The following SLIT3 variants were observed in gnomAD, a reference collection of about 807,000 sequenced individuals.
SLIT3 encodes the protein slit guidance ligand 3, also known as slit homolog 3 protein.
A neutral mutation model predicts 184.0 loss-of-function variants in SLIT3; 68 were observed. The observed-to-expected ratio is 0.37, with a 90% confidence interval of 0.30 to 0.45. The LOEUF is 0.45. Among genes scored for constraint, SLIT3 ranks in the 20% least tolerant of loss-of-function variants. SLIT3 has a pLI of 1.00. For missense variants in SLIT3, 1,707 were observed against 2,026.0 expected (o/e 0.84, Z 3.02); for synonymous variants, 831 against 828.6 (o/e 1.00, Z -0.05).
At chr5:168,820,327 A>C (rs1399985102) in intron 7 of SLIT3, among the ~76,000 whole-genome samples, 2 of 152,150 alleles carry the variant, frequency 1.3e-5, no homozygotes, top group African/African-American at 4.8e-5. Context: ...GCCTGAGCTC[A>C]GGCTGTGATG....
At chr5:168,934,973 A>G (rs936859851) in intron 4 of SLIT3, among the ~76,000 whole-genome samples, 8 of 150,658 alleles carry the variant, frequency 5.3e-5, no homozygotes, top group Admixed American at 1.3e-4. Context: ...ACTAAAAAAA[A>G]AAAAAAAAAC....
chr5:168,940,620 G>A (rs114602642), intron 4 of SLIT3, among the ~76,000 whole-genome samples: 16 of 152,080 alleles, frequency 1.1e-4, no homozygotes, highest in Non-Finnish European at 5.9e-5. Context: ...AGACAAGGAT[G>A]ATTTAGTCCC....
intron 4 of SLIT3, among the ~76,000 whole-genome samples, chr5:169,128,235 T>C (rs569166345): frequency 1.6e-4 from 24 of 147,954 alleles, no homozygotes; most frequent in Admixed American, 4.1e-4. Context: ...ATTATATATA[T>C]ACACACACAC....
intron 4 of SLIT3, among the ~76,000 whole-genome samples, chr5:168,931,719 A>G (rs1761992866): frequency 6.6e-6 from 1 of 152,222 alleles, no homozygotes; most frequent in African/African-American, 2.4e-5. Flanking sequence ...TGTGCTAAGT[A>G]AGTGTCAGTG....
At chr5:169,158,287 C>T (rs548004622) in intron 4 of SLIT3, among the ~76,000 whole-genome samples, 71 of 152,220 alleles carry the variant, frequency 4.7e-4, no homozygotes, top group Middle Eastern at 3.4e-3. Flanking sequence ...TATTTCTCAT[C>T]AGAAACCATG....
At chr5:169,169,910 G>T (rs1292641260) in intron 4 of SLIT3, among the ~76,000 whole-genome samples, 1 of 152,254 alleles carries the variant, frequency 6.6e-6, no homozygotes, top group African/African-American at 2.4e-5. Flanking sequence ...GCCAGAGGCT[G>T]CAGGGACTGG....
intron 27 of SLIT3, among the ~76,000 whole-genome samples, chr5:168,698,425 G>T (rs1762121959): frequency 6.6e-6 from 1 of 152,118 alleles, no homozygotes; most frequent in South Asian, 2.1e-4. Flanking sequence ...GACTATGCAG[G>T]CAGAGAGAGG....
intron 8 of SLIT3, among the ~76,000 whole-genome samples, chr5:168,813,790 G>C (rs899163616): frequency 2.0e-5 from 3 of 152,188 alleles, no homozygotes; most frequent in African/African-American, 4.8e-5. Flanking sequence ...CAGGCACTTG[G>C]GCAGGCAGAG....
intron 4 of SLIT3, among the ~76,000 whole-genome samples, chr5:168,926,371 A>G (rs1761823781): frequency 6.6e-6 from 1 of 152,192 alleles, no homozygotes; most frequent in Non-Finnish European, 1.5e-5. Flanking sequence ...CTAAGAGAGA[A>G]CATATATCTT....
rs575964635 is a variant in SLIT3, at chr5:169,225,714, G to C, written c.341+18991C>G. On this transcript the variant is annotated intron_variant, in intron 3 of 35. Transcript: ENST00000519560. ...GCAGTTGCCACAAAAGAGAAGACAG[G>C]GGGTGGGCGGCAGGGGGTGATTTCC... is the stretch of plus-strand genomic sequence containing the variant. Among the ~76,000 whole-genome samples, 493 of 152,314 alleles carry C rather than the reference G, an allele frequency of 3.2e-3. 1 individual carries two copies. The highest frequency in any genetic ancestry group is 0.011 in the African/African-American group (464 of 41,576).
chr5:168,769,048 T>C (rs899540943), intron 14 of SLIT3, among the ~76,000 whole-genome samples: 2 of 152,170 alleles, frequency 1.3e-5, no homozygotes, highest in Non-Finnish European at 2.9e-5. Context: ...ATGAAGGGCC[T>C]CTTTGAGACT....
At chr5:169,192,182 A>ATT (rs1265369369) in intron 4 of SLIT3, among the ~76,000 whole-genome samples, 3 of 152,156 alleles carry the variant, frequency 2.0e-5, no homozygotes. Context: ...CCCCATGCCC[A>ATT]TCCAGGCAGA....
At chr5:168,770,308 G>C (rs915662939) in intron 14 of SLIT3, among the ~76,000 whole-genome samples, 4 of 152,226 alleles carry the variant, frequency 2.6e-5, no homozygotes, top group Non-Finnish European at 1.5e-5. Context: ...TTACGGAGCA[G>C]CCCTCAAATT....
rs1283092372 is a variant in SLIT3 at position 168,746,241 on chromosome 5, C to T, written c.2270+2061G>A. On this transcript the variant is annotated intron_variant, in intron 20 of 35. Coordinates refer to ENST00000519560, the MANE Select transcript of SLIT3 (RefSeq NM_003062.4). ...GCATGGGGCCTGGCAAAAGAGATGT[C>T]AAAGTCAAGCATCAGATGTGTGTGG... Among the ~76,000 whole-genome samples, 4 of 148,410 alleles carry T rather than the reference C, an allele frequency of 2.7e-5. No homozygotes were observed. In the East Asian group the frequency reaches 8.0e-4, roughly 30 times the overall value.
intron 35 of SLIT3, among the ~76,000 whole-genome samples, chr5:168,667,256 C>T (rs1561864021): frequency 6.6e-6 from 1 of 152,100 alleles, no homozygotes; most frequent in Non-Finnish European, 1.5e-5. Flanking sequence ...CTCTCTTGGC[C>T]TAGAGTCTAG....
intron 6 of SLIT3, 72 bp from the exon 7 acceptor site, chr5:168,823,403 C>T (rs567359736): frequency 6.6e-5 from 72 of 1,088,798 alleles, no homozygotes; most frequent in Admixed American, 1.4e-4. Flanking sequence ...TGTAGTAGGT[C>T]GGGGGAGGGA....
chr5:169,008,737 G>A (rs924617133), intron 4 of SLIT3, among the ~76,000 whole-genome samples: 1 of 152,156 alleles, frequency 6.6e-6, no homozygotes, highest in Non-Finnish European at 1.5e-5. Flanking sequence ...CTGGACTCCA[G>A]TGATCCTCCT....
At chr5:168,702,885 C>A (rs746607655) in intron 26 of SLIT3, among the ~76,000 whole-genome samples, 6 of 152,168 alleles carry the variant, frequency 3.9e-5, no homozygotes, top group African/African-American at 4.8e-5. Context: ...ACCTCTCTAG[C>A]CCCTGCCTGG....
intron 4 of SLIT3, among the ~76,000 whole-genome samples, chr5:168,948,307 C>T (rs565538435): frequency 1.1e-4 from 17 of 152,210 alleles, no homozygotes; most frequent in East Asian, 1.9e-4. Context: ...CCACAGCAAA[C>T]GGGGGCTGTG....
Sources: gnomAD v4.1 joint callset for allele counts (sites outside exome capture counted in the v4.1 genomes callset) on GRCh38, gnomAD v4.1.1 for gene constraint, MANE v1.5 for transcripts, NCBI Gene and HGNC (gene_info 2026-07-23, HGNC 2026-07-21) for gene names.